Variants in ATP2C1 observed in about 807,000 individuals in gnomAD.
ATP2C1 encodes the protein calcium-transporting ATPase type 2C member 1.
A neutral mutation model predicts 120.5 loss-of-function variants in ATP2C1; 31 were observed. That is an observed-to-expected ratio of 0.26 (90% CI 0.19 to 0.35). The LOEUF is 0.35. Among genes scored for constraint, ATP2C1 ranks in the 10% least tolerant of loss-of-function variants. The pLI, the probability that ATP2C1 is intolerant of heterozygous loss-of-function variation, is 1.00. For missense variants in ATP2C1, 731 were observed against 1,107.5 expected (o/e 0.66, Z 4.83); for synonymous variants, 351 against 358.7 (o/e 0.98, Z 0.24).
At chr3:130,919,120 T>C in intron 2 of ATP2C1, 2 of 364,988 alleles carry the variant, frequency 5.5e-6, no homozygotes, top group Non-Finnish European at 5.3e-6. Flanking sequence ...CGCAGGCATT[T>C]TGAGTTGGAG....
At chr3:130,881,511 A>T (rs193159135) in intron 1 of ATP2C1, among the ~76,000 whole-genome samples, 4 of 152,162 alleles carry the variant, frequency 2.6e-5, no homozygotes, top group African/African-American at 9.6e-5. Context: ...GGTGCACACC[A>T]CCATGCCCAG....
At position 130,894,433 on chromosome 3, in the gene ATP2C1, C is replaced by T. The variant is rs1380180354; in HGVS notation, c.-181+96C>T. 6 of 1,287,920 alleles carry T rather than the reference C, an allele frequency of 4.7e-6. No homozygotes were observed. The highest frequency in any genetic ancestry group is 5.9e-6 in the Non-Finnish European group (6 of 1,009,864). The allele number at this position is 1,287,920 out of a possible 1,614,324, so 79.8% of individuals were successfully genotyped here. On this transcript the variant is annotated intron_variant, in intron 1 of 27. Coordinates refer to ENST00000510168, the MANE Select transcript of ATP2C1 (RefSeq NM_001378687.1). This position sits in a 1 kb window ranked among gnomAD's most constrained non-coding sequence, Gnocchi z 4.5. ...GTATCCCCTGGATGGGGGGGCATCTCTAGGGCGCCGCCCCGCTGGCGTGAG... is the reference window on the plus strand; with the variant it reads ...GTATCCCCTGGATGGGGGGGCATCTTTAGGGCGCCGCCCCGCTGGCGTGAG...
intron 1 of ATP2C1, among the ~76,000 whole-genome samples, chr3:130,855,696 C>T (rs2107696434): frequency 6.6e-6 from 1 of 152,288 alleles, no homozygotes; most frequent in South Asian, 2.1e-4. Flanking sequence ...AAAAACTCTA[C>T]AGGATGGGTC....
intron 2 of ATP2C1, among the ~76,000 whole-genome samples, chr3:130,926,058 C>A (rs1204938963): frequency 6.6e-6 from 1 of 152,278 alleles, no homozygotes; most frequent in East Asian, 1.9e-4. Context: ...CAAGCCTCCC[C>A]CTTGAGAAAG....
chr3:130,987,101 G>T (rs1280648632), intron 20 of ATP2C1, among the ~76,000 whole-genome samples: 3 of 149,562 alleles, frequency 2.0e-5, no homozygotes, highest in Middle Eastern at 3.4e-3. Flanking sequence ...ACTATGCTTG[G>T]GTAATTAAAA....
chr3:130,985,560 A>G (rs932936203), intron 20 of ATP2C1, among the ~76,000 whole-genome samples: 3 of 152,050 alleles, frequency 2.0e-5, no homozygotes, highest in African/African-American at 7.2e-5. Flanking sequence ...GCTTGAACCC[A>G]GGAGGCAGAG....
intron 2 of ATP2C1, among the ~76,000 whole-genome samples, chr3:130,906,027 A>C (rs2058105470): frequency 6.6e-6 from 1 of 152,116 alleles, no homozygotes; most frequent in African/African-American, 2.4e-5. Context: ...ATTCTCTCAT[A>C]GCTGTGGTAA....
At chr3:130,988,220 A>G (rs1352430517) in intron 20 of ATP2C1, among the ~76,000 whole-genome samples, 1 of 152,152 alleles carries the variant, frequency 6.6e-6, no homozygotes, top group Non-Finnish European at 1.5e-5. Flanking sequence ...AATGCAAGAC[A>G]CATCTTTTCC....
intron 8 of ATP2C1, among the ~76,000 whole-genome samples, chr3:130,951,853 T>TA (rs1388852221): frequency 6.6e-6 from 1 of 152,212 alleles, no homozygotes; most frequent in Non-Finnish European, 1.5e-5. Context: ...TCATATTATC[T>TA]AAACTTCTGG....
At chr3:130,965,069 A>G in intron 14 of ATP2C1, 24 bp downstream of exon 14, 1 of 1,529,132 alleles carries the variant, frequency 6.5e-7, no homozygotes, top group East Asian at 2.3e-5. Flanking sequence ...TTTTAAAAAC[A>G]AACAAAAACA....
chr3:131,014,851 GCTGATAAA>G (rs2063520946), intron 26 of ATP2C1, among the ~76,000 whole-genome samples: 2 of 152,172 alleles, frequency 1.3e-5, no homozygotes, highest in African/African-American at 4.8e-5. Context: ...TATGGACAAA[GCTGATAAA>G]CTGGTACCTT....
intron 1 of ATP2C1, among the ~76,000 whole-genome samples, chr3:130,884,521 C>G (rs1374199361): frequency 6.6e-6 from 1 of 152,162 alleles, no homozygotes; most frequent in Admixed American, 6.5e-5. Context: ...ATTAGGTCCA[C>G]TTGGTCTACA....
chr3:130,987,064 A>G (rs947576479), intron 20 of ATP2C1, among the ~76,000 whole-genome samples: 2 of 151,334 alleles, frequency 1.3e-5, no homozygotes, highest in Admixed American at 1.3e-4. Context: ...TTAGCCTCCC[A>G]AGTAGCTGGA....
At chr3:130,934,760 T>C in intron 5 of ATP2C1, 49 bp downstream of exon 5, 1 of 1,281,486 alleles carries the variant, frequency 7.8e-7, no homozygotes, top group Non-Finnish European at 1.1e-6. Context: ...GTGTATAAAT[T>C]GGGATTGGTT....
At chr3:130,985,351 G>A (rs1452980066) in intron 20 of ATP2C1, among the ~76,000 whole-genome samples, 1 of 152,132 alleles carries the variant, frequency 6.6e-6, no homozygotes, top group Non-Finnish European at 1.5e-5. Context: ...GAAAAATAAT[G>A]GCCGGGTGTG....
intron 2 of ATP2C1, among the ~76,000 whole-genome samples, chr3:130,921,205 C>T (rs923982267): frequency 7.9e-5 from 12 of 151,878 alleles, no homozygotes; most frequent in Non-Finnish European, 1.0e-4. Flanking sequence ...CCTCAGCCTC[C>T]GAAGTAGCTG....
At chr3:130,887,722 G>A (rs547936940) in intron 1 of ATP2C1, among the ~76,000 whole-genome samples, 1 of 152,234 alleles carries the variant, frequency 6.6e-6, no homozygotes, top group African/African-American at 2.4e-5. Context: ...TACCCTTCAG[G>A]GCACTGGGCT....
chr3:130,905,098 A>T (rs2058062410), intron 2 of ATP2C1, among the ~76,000 whole-genome samples: 1 of 151,698 alleles, frequency 6.6e-6, no homozygotes, highest in African/African-American at 2.4e-5. Flanking sequence ...GGAATCAACC[A>T]TTTTTCCAGG....
At chr3:130,937,154 A>G (rs2059709256) in intron 5 of ATP2C1, among the ~76,000 whole-genome samples, 1 of 152,196 alleles carries the variant, frequency 6.6e-6, no homozygotes, top group African/African-American at 2.4e-5. Context: ...ATCAGTATAT[A>G]TAACCCACTT....
Sources: gnomAD v4.1 joint callset for allele counts (sites outside exome capture counted in the v4.1 genomes callset) on GRCh38, gnomAD v4.1.1 for gene constraint, Gnocchi (gnomAD v3.1) non-coding constraint, MANE v1.5 for transcripts, NCBI Gene and HGNC (gene_info 2026-07-23, HGNC 2026-07-21) for gene names.